Variants in GNAO1 observed in about 807,000 individuals in gnomAD.
GNAO1 encodes the protein G protein subunit alpha o1.
For missense variants in GNAO1, 166 were observed against 478.7 expected (o/e 0.35, Z 6.10); for synonymous variants, 164 against 180.7 (o/e 0.91, Z 0.74).
intron 3 of GNAO1, among the ~76,000 whole-genome samples, chr16:56,299,374 G>C (rs189457386): frequency 6.6e-6 from 1 of 152,222 alleles, no homozygotes; most frequent in Non-Finnish European, 1.5e-5. Context: ...TGCTTCCTCC[G>C]ATCTGCTGCG....
chr16:56,345,004 G>C (rs2037849523), intron 6 of GNAO1: 1 of 985,220 alleles, frequency 1.0e-6, no homozygotes, highest in African/African-American at 1.7e-5. Context: ...ACAGCAGGGG[G>C]ATGGAGCTGA....
chr16:56,230,253 G>A (rs2036576690), intron 2 of GNAO1, among the ~76,000 whole-genome samples: 1 of 152,192 alleles, frequency 6.6e-6, no homozygotes. Context: ...AGGCTGCTGT[G>A]GGGCCTGGTC....
At chr16:56,318,144 C>T (rs1287254816) in intron 3 of GNAO1, among the ~76,000 whole-genome samples, 2 of 152,328 alleles carry the variant, frequency 1.3e-5, no homozygotes, top group East Asian at 1.9e-4. Context: ...ACCCCCGCCC[C>T]GGAAGGGAGT....
At chr16:56,261,602 C>T (rs1423742680) in intron 2 of GNAO1, among the ~76,000 whole-genome samples, 1 of 152,132 alleles carries the variant, frequency 6.6e-6, no homozygotes, top group African/African-American at 2.4e-5. Context: ...GAGTGAAATT[C>T]CTCATGTTTT....
chr16:56,318,911 G>C (rs1331200657), intron 3 of GNAO1, among the ~76,000 whole-genome samples: 2 of 152,136 alleles, frequency 1.3e-5, no homozygotes, highest in Non-Finnish European at 2.9e-5. Flanking sequence ...TGTGCAGTGG[G>C]GAGTAGTGAG....
At chr16:56,288,299 A>C (rs1398028981) in intron 3 of GNAO1, among the ~76,000 whole-genome samples, 2 of 152,242 alleles carry the variant, frequency 1.3e-5, no homozygotes, top group African/African-American at 4.8e-5. Flanking sequence ...TCCAGAGAGC[A>C]GAGTGTCCTG....
intron 3 of GNAO1, 161 bp downstream of exon 3, chr16:56,276,233 C>CA: frequency 1.8e-6 from 1 of 551,288 alleles, no homozygotes; most frequent in South Asian, 3.8e-5. Context: ...CCATTGCATC[C>CA]ACCCCTCTGG....
rs569805154 is a variant in GNAO1 at position 56,247,065 on chromosome 16, C to T, written c.162-28866C>T. Among the ~76,000 whole-genome samples, 6 of 152,332 alleles carry T rather than the reference C, an allele frequency of 3.9e-5. No individual in the cohort carries two copies. The South Asian group carries it at 8.3e-4, about 21-fold the overall frequency. ...AGTGGCCCTTTTTTCCTCTTCTCCC[C>T]GCAGTCTAATCCACTGTCCACCTGA... On this transcript the variant is annotated intron_variant, in intron 2 of 8. Transcript: ENST00000262493.
chr16:56,208,921 T>TC (rs1455162409), intron 2 of GNAO1, among the ~76,000 whole-genome samples: 1 of 152,172 alleles, frequency 6.6e-6, no homozygotes, highest in East Asian at 1.9e-4. Context: ...TACCTCCCAT[T>TC]CCCTGGCTTG....
At chr16:56,286,019 G>C (rs2037163341) in intron 3 of GNAO1, among the ~76,000 whole-genome samples, 1 of 152,232 alleles carries the variant, frequency 6.6e-6, no homozygotes, top group Non-Finnish European at 1.5e-5. Flanking sequence ...CAGGGACTGA[G>C]AAAGGGTTAG....
At chr16:56,200,997 A>G (rs1361743774) in intron 2 of GNAO1, among the ~76,000 whole-genome samples, 1 of 152,222 alleles carries the variant, frequency 6.6e-6, no homozygotes, top group Non-Finnish European at 1.5e-5. Context: ...CCATCTGTCC[A>G]TCCATAAGCA....
At chr16:56,330,038 G>A (rs1262829290) in intron 4 of GNAO1, among the ~76,000 whole-genome samples, 1 of 152,206 alleles carries the variant, frequency 6.6e-6, no homozygotes, top group Non-Finnish European at 1.5e-5. Flanking sequence ...ACATTTCCAC[G>A]GGCCACATGG....
At chr16:56,243,958 T>G (rs929722342) in intron 2 of GNAO1, among the ~76,000 whole-genome samples, 2 of 152,212 alleles carry the variant, frequency 1.3e-5, no homozygotes, top group Non-Finnish European at 2.9e-5. Context: ...GAGGCAGAGT[T>G]GCCCAGGGCA....
In GNAO1 at chr16:56,326,095, G is replaced by C. The variant is rs573576406; in HGVS notation, c.304-2536G>C. On this transcript the variant is annotated intron_variant, in intron 3 of 8. Coordinates refer to ENST00000262493, the MANE Select transcript of GNAO1 (RefSeq NM_020988.3). This position sits in a 1 kb window ranked among gnomAD's most constrained non-coding sequence, Gnocchi z 4.8. ...CTGGAAGCTGGCCTGGGCTCCACAG[G>C]ACTCAGGGTCCAGCACACTCCTGTC... Among the ~76,000 whole-genome samples the C allele has an allele frequency of 1.3e-5, 2 of 152,208 alleles. No homozygotes were observed. The highest frequency in any genetic ancestry group is 2.9e-5 in the Non-Finnish European group (2 of 68,044).
In GNAO1 at chr16:56,354,537, G is replaced by T. The variant is rs569869267; in HGVS notation, c.878-329G>T. The stretch of plus-strand genomic sequence containing the variant: ...CTAAAAATACAAAAATTAGCTGGGC[G>T]TGGTGGCACGCGCCTGTATTACCAG... On this transcript the variant is annotated intron_variant, in intron 7 of 8. Transcript: ENST00000262493. This position sits in a 1 kb window ranked among gnomAD's most constrained non-coding sequence, Gnocchi z 4.3. 6.6e-6 allele frequency among the ~76,000 whole-genome samples: 1 copy of T among 152,172 alleles called. No homozygotes were observed. Among genetic ancestry groups the T allele is most frequent in the Non-Finnish European group, 1.5e-5 (1 of 68,042 alleles).
At chr16:56,252,723 A>G (rs1166320095) in intron 2 of GNAO1, among the ~76,000 whole-genome samples, 1 of 152,134 alleles carries the variant, frequency 6.6e-6, no homozygotes, top group Admixed American at 6.5e-5. Flanking sequence ...ACACCCCCAC[A>G]TCAGGAATGC....
chr16:56,340,759 C>T (rs539882600), intron 6 of GNAO1: 100 of 1,344,814 alleles, frequency 7.4e-5, no homozygotes, highest in Admixed American at 3.9e-4. Context: ...TTGCTTGTCC[C>T]GCTGTGTCAT....
chr16:56,340,869 C>T, intron 6 of GNAO1: 2 of 1,613,998 alleles, frequency 1.2e-6, no homozygotes, highest in Non-Finnish European at 1.7e-6. Context: ...TTTTTGACAG[C>T]ATCTGCAACA....
chr16:56,284,661 G>A (rs1196203937), intron 3 of GNAO1, among the ~76,000 whole-genome samples: 1 of 152,130 alleles, frequency 6.6e-6, no homozygotes, highest in Non-Finnish European at 1.5e-5. Context: ...CTTCATGGTT[G>A]TCTTACCCTT....
Sources: allele counts gnomAD v4.1 joint callset (sites outside exome capture counted in the v4.1 genomes callset), GRCh38; gene constraint gnomAD v4.1.1; non-coding constraint Gnocchi (gnomAD v3.1); transcripts MANE v1.5; gene names NCBI Gene and HGNC (gene_info 2026-07-23, HGNC 2026-07-21).